C6orf132: variants seen among roughly 807,000 people sequenced by gnomAD.
C6orf132 encodes the protein uncharacterized protein C6orf132.
C6orf132 carries 43 observed loss-of-function variants against 65.3 expected under a neutral mutation model. The observed-to-expected ratio is 0.66, with a 90% CI of 0.52 to 0.85. The LOEUF (loss-of-function observed/expected upper bound fraction) is 0.85. Ranked by LOEUF, C6orf132 falls within the 40% of genes least tolerant of loss-of-function variation. The probability of loss-of-function intolerance (pLI) is 0.00; values close to 1 mark genes in which losing one functional copy is unlikely to be tolerated. For synonymous variants in C6orf132, 631 were observed against 654.1 expected (o/e 0.96, Z 0.54); for missense variants, 1,488 against 1,548.8 (o/e 0.96, Z 0.66).
chr6:42,120,572 T>A (rs1050073567), intron 2 of C6orf132, among the ~76,000 whole-genome samples: 6 of 123,036 alleles, frequency 4.9e-5, no homozygotes, highest in African/African-American at 1.9e-4. Context: ...GAACTTTTGT[T>A]TCCTTTATAA....
intron 2 of C6orf132, among the ~76,000 whole-genome samples, chr6:42,116,142 C>A (rs1022446864): frequency 6.6e-6 from 1 of 151,762 alleles, no homozygotes; most frequent in Non-Finnish European, 1.5e-5. Flanking sequence ...GTTGGCCAGG[C>A]TGGTCTTGAA....
intron 1 of C6orf132, among the ~76,000 whole-genome samples, 157 bp downstream of exon 1, chr6:42,142,143 C>T (rs1767044883): frequency 6.6e-6 from 1 of 152,218 alleles, no homozygotes; most frequent in East Asian, 1.9e-4. Context: ...CCAGACACCC[C>T]TGTGCGGTGC....
At position 42,107,359 on chromosome 6, in the gene C6orf132, TGGGCGGGGGTGGGGGTTCCAGCAGCA is replaced by T; in HGVS notation, c.527_552del (p.Leu176GlnfsTer29). 3.6e-6 allele frequency: 1 copy of T among 276,708 alleles called. No individual in the cohort carries two copies. Among genetic ancestry groups the T allele is most frequent in the African/African-American group, 1.2e-4 (1 of 8,618 alleles). The allele number at this position is 276,708 out of a possible 1,614,324, so 17.1% of individuals were successfully genotyped here. ...ACTGGGGGTGGAGGTGGGGCCATGC[TGGGCGGGGGTGGGGGTTCCAGCAGCA>T]GGGGAGGTGGTGGGGGTGCTGTGGA... On this transcript the variant is annotated frameshift_variant, in exon 4 of 5. Transcript: ENST00000341865. LOFTEE classifies it high-confidence loss of function.
rs59373265 is a variant in C6orf132 at position 42,138,850 on chromosome 6, AACAC to A, written c.145+3446_145+3449del. 2.3e-3 allele frequency among the ~76,000 whole-genome samples: 329 copies of A among 142,862 alleles called. 3 individuals are homozygous for A. The highest frequency in any genetic ancestry group is 7.3e-3 in the African/African-American group (284 of 38,812). The allele number at this position is 142,862 out of a possible 152,430, so 93.7% of individuals were successfully genotyped here. A position where few individuals can be genotyped will look rare whatever the true frequency, so the allele number is the denominator to read the frequency against. The stretch of plus-strand genomic sequence containing the variant: ...ACATCTCTGCTTTCTCATGCATTTA[AACAC>A]ACACACACACACACACACACACACA... On this transcript the variant is annotated intron_variant, in intron 1 of 4. Transcript: ENST00000341865.
At chr6:42,138,221 A>T (rs1271860284) in intron 1 of C6orf132, among the ~76,000 whole-genome samples, 1 of 151,888 alleles carries the variant, frequency 6.6e-6, no homozygotes, top group Admixed American at 6.5e-5. Flanking sequence ...ATCATAGCTG[A>T]CTGCAGCCTC....
At chr6:42,132,992 A>G (rs968642366) in intron 1 of C6orf132, among the ~76,000 whole-genome samples, 3 of 152,158 alleles carry the variant, frequency 2.0e-5, no homozygotes, top group African/African-American at 7.2e-5. Flanking sequence ...GCGTGTGTCT[A>G]TCTCCATCAG....
At chr6:42,134,332 A>G (rs1766905314) in intron 1 of C6orf132, among the ~76,000 whole-genome samples, 1 of 152,180 alleles carries the variant, frequency 6.6e-6, no homozygotes, top group Non-Finnish European at 1.5e-5. Flanking sequence ...GTTGAGTGAG[A>G]GAAAGTGTGC....
chr6:42,125,205 G>C (rs12529755), intron 2 of C6orf132, among the ~76,000 whole-genome samples: 9 of 152,158 alleles, frequency 5.9e-5, no homozygotes, highest in Admixed American at 4.6e-4. Context: ...GTAGCAGGTG[G>C]AGGGAGAGTA....
At chr6:42,110,333 G>A (rs925148494) in intron 2 of C6orf132, 42 bp from the exon 3 acceptor site, 41 of 1,470,044 alleles carry the variant, frequency 2.8e-5, no homozygotes, top group Admixed American at 4.4e-5. Context: ...GGGAAAGATG[G>A]ACAGATAATT....
chr6:42,128,439 G>T (rs1282448440), intron 2 of C6orf132, among the ~76,000 whole-genome samples: 2 of 152,074 alleles, frequency 1.3e-5, no homozygotes, highest in Non-Finnish European at 2.9e-5. Flanking sequence ...CTGCACACAA[G>T]TTCTCCATAA....
At chr6:42,119,823 C>T (rs1174498362) in intron 2 of C6orf132, among the ~76,000 whole-genome samples, 1 of 149,396 alleles carries the variant, frequency 6.7e-6, no homozygotes, top group African/African-American at 2.4e-5. Context: ...TGGCCAGGGG[C>T]GGGTGCTCAT....
chr6:42,103,888 A>G lies in C6orf132; in HGVS notation c.3450-10T>C. 7.1e-7 allele frequency: 1 copy of G among 1,415,298 alleles called. No homozygotes were observed. The highest frequency in any genetic ancestry group is 1.5e-5 in the South Asian group (1 of 67,394). The allele number at this position is 1,415,298 out of a possible 1,614,324, so 87.7% of individuals were successfully genotyped here. ...GGTGGTGTAGGGAGACCTGGGGGAG[A>G]GCAAGAGATGTGAGGTGAATATCTG... On this transcript the variant is annotated splice_polypyrimidine_tract_variant and intron_variant, in intron 4 of 4. Transcript: ENST00000341865.
rs934580444 is a variant in C6orf132, at chr6:42,120,652, G to A, written c.252+8020C>T. ...TTTTTTGTTTTTGTTTTTTGAGACG[G>A]AGTCTCGCTCTGTCACCCAGGCTGG... On this transcript the variant is annotated intron_variant, in intron 2 of 4. Transcript: ENST00000341865. Among the ~76,000 whole-genome samples, 8 of 151,632 alleles carry A rather than the reference G, an allele frequency of 5.3e-5. No homozygotes were observed. The South Asian group carries it at 8.3e-4, about 16-fold the overall frequency.
chr6:42,109,977 T>A (rs986746207), intron 3 of C6orf132, among the ~76,000 whole-genome samples: 1 of 152,158 alleles, frequency 6.6e-6, no homozygotes, highest in Non-Finnish European at 1.5e-5. Flanking sequence ...TTTGTCCCCT[T>A]GCCATCCTTC....
At chr6:42,137,160 G>C (rs1766956848) in intron 1 of C6orf132, among the ~76,000 whole-genome samples, 1 of 152,204 alleles carries the variant, frequency 6.6e-6, no homozygotes, top group Non-Finnish European at 1.5e-5. Flanking sequence ...CAATTGAGAA[G>C]ACATTCAAAG....
At chr6:42,138,850 A>ACACACACACACACAC (rs1766991180) in intron 1 of C6orf132, among the ~76,000 whole-genome samples, 2 of 142,858 alleles carry the variant, frequency 1.4e-5, no homozygotes, top group Non-Finnish European at 3.0e-5. Context: ...CATGCATTTA[A>ACACACACACACACAC]ACACACACAC....
chr6:42,141,993 A>C (rs1767041351), intron 1 of C6orf132, among the ~76,000 whole-genome samples: 1 of 152,058 alleles, frequency 6.6e-6, no homozygotes, highest in South Asian at 2.1e-4. Flanking sequence ...ACACAAGCAT[A>C]GGATTCGCCA....
At chr6:42,142,090 G>A (rs540959717) in intron 1 of C6orf132, among the ~76,000 whole-genome samples, 111 of 152,110 alleles carry the variant, frequency 7.3e-4, no homozygotes, top group African/African-American at 1.9e-3. Flanking sequence ...GTGGTGGGGG[G>A]GGTCCCCTCG....
At chr6:42,131,584 T>C (rs960806050) in intron 1 of C6orf132, among the ~76,000 whole-genome samples, 24 of 151,970 alleles carry the variant, frequency 1.6e-4, no homozygotes, top group Admixed American at 1.6e-3. Context: ...TGTACGGGGG[T>C]GAGGAAGGCT....
Sources: gnomAD v4.1 joint callset for allele counts (sites outside exome capture counted in the v4.1 genomes callset) on GRCh38, gnomAD v4.1.1 for gene constraint, MANE v1.5 for transcripts, NCBI Gene and HGNC (gene_info 2026-07-23, HGNC 2026-07-21) for gene names.